Variants in RPS6KA2 observed in about 807,000 individuals in gnomAD.
RPS6KA2 encodes the protein ribosomal protein S6 kinase alpha-2.
Under a neutral mutation model 91.8 loss-of-function variants are expected in RPS6KA2, and 42 were observed. That is an observed-to-expected ratio of 0.46 (90% CI 0.36 to 0.59). The LOEUF is 0.59. Among genes scored for constraint, RPS6KA2 ranks in the 20% least tolerant of loss-of-function variants. The pLI, the probability that RPS6KA2 is intolerant of heterozygous loss-of-function variation, is 0.00. For synonymous variants in RPS6KA2, 414 were observed against 393.6 expected (o/e 1.05, Z -0.61); for missense variants, 798 against 978.5 (o/e 0.82, Z 2.46).
chr6:166,448,287 C>T lies in RPS6KA2; in HGVS notation c.1332+437G>A, dbSNP rs1779743337. 6.6e-6 allele frequency among the ~76,000 whole-genome samples: 1 copy of T among 152,138 alleles called. No individual in the cohort carries two copies. The highest frequency in any genetic ancestry group is 2.1e-4 in the South Asian group (1 of 4,814). On this transcript the variant is annotated intron_variant, in intron 14 of 20. Transcript: ENST00000265678. The surrounding 1 kb of genome is among the most constrained non-coding windows in gnomAD (Gnocchi z 4.7). ...CCTTGCCAAATTCTATACCTGTCCC[C>T]CAACTCTGTTTTCTCAAAATACTGG...
rs1176096846 is a variant in RPS6KA2 at position 166,418,776 on chromosome 6, CAG to C, written c.1821-436_1821-435del. On this transcript the variant is annotated intron_variant, in intron 18 of 20. Transcript: ENST00000265678. This position sits in a 1 kb window ranked among gnomAD's most constrained non-coding sequence, Gnocchi z 4.9. Reference sequence around the variant, plus strand: ...ACTTTTTGAGCCTCCACTGCAAATGCAGAGTGTATGCACAAATACACATACAT... The same window carrying C: ...ACTTTTTGAGCCTCCACTGCAAATGCAGTGTATGCACAAATACACATACAT... Among the ~76,000 whole-genome samples, 1 of 152,262 alleles carries C rather than the reference CAG, an allele frequency of 6.6e-6. No homozygotes were observed. The highest frequency in any genetic ancestry group is 1.5e-5 in the Non-Finnish European group (1 of 68,050).
chr6:166,702,386 G>C lies in RPS6KA2; in HGVS notation c.123+155814C>G. 8 of 1,607,946 alleles carry C rather than the reference G, an allele frequency of 5.0e-6. No individual in the cohort carries two copies. In the South Asian group the frequency reaches 8.8e-5, roughly 18 times the overall value. ...ATCAGGGATATAGGCTACTTTCAAG[G>C]TGAAATTCTCTAACTGAAATCCATT... is the stretch of plus-strand genomic sequence containing the variant. On this transcript the variant is annotated intron_variant, in intron 2 of 21. Coordinates refer to the RPS6KA2 transcript ENST00000503859.
At chr6:166,757,927 G>C (rs566109032) in intron 2 of RPS6KA2, 1 of 202,278 alleles carries the variant, frequency 4.9e-6, no homozygotes, top group Non-Finnish European at 1.0e-5. Context: ...ATGCTGCTCC[G>C]AATCCCAGCA....
chr6:166,742,053 G>C (rs1339216714), intron 2 of RPS6KA2, among the ~76,000 whole-genome samples: 1 of 152,184 alleles, frequency 6.6e-6, no homozygotes, highest in Non-Finnish European at 1.5e-5. Flanking sequence ...GCTTGAATTT[G>C]AGAGGCGGCT....
At position 166,495,422 on chromosome 6, in the gene RPS6KA2, G is replaced by A. The variant is rs183492452; in HGVS notation, c.747+3086C>T. On this transcript the variant is annotated intron_variant, in intron 8 of 20. Coordinates refer to ENST00000265678, the MANE Select transcript of RPS6KA2 (RefSeq NM_021135.6). This position sits in a 1 kb window ranked among gnomAD's most constrained non-coding sequence, Gnocchi z 4.4. ...AAATGTCCTGTGCCCAGGGAGGCAC[G>A]TGGGAGGAGAGTGCCTGCTGTGTTG... is the stretch of plus-strand genomic sequence containing the variant. 6.6e-6 allele frequency among the ~76,000 whole-genome samples: 1 copy of A among 152,218 alleles called. No individual in the cohort carries two copies. Among genetic ancestry groups the A allele is most frequent in the Non-Finnish European group, 1.5e-5 (1 of 68,030 alleles).
intron 2 of RPS6KA2, among the ~76,000 whole-genome samples, chr6:166,845,600 C>T (rs9356522): frequency 0.55 from 83,218 of 151,604 alleles, 24,837 homozygotes; most frequent in Middle Eastern, 0.72. Context: ...AAATAGCCTG[C>T]TCCTGAACGA....
At chr6:166,574,810 G>A (rs1246579295) in intron 1 of RPS6KA2, among the ~76,000 whole-genome samples, 1 of 152,078 alleles carries the variant, frequency 6.6e-6, no homozygotes, top group African/African-American at 2.4e-5. Flanking sequence ...AATTCATCAG[G>A]TAGCTTGAAA....
At chr6:166,815,931 G>T (rs1562454065) in intron 2 of RPS6KA2, among the ~76,000 whole-genome samples, 1 of 152,170 alleles carries the variant, frequency 6.6e-6, no homozygotes, top group Non-Finnish European at 1.5e-5. Flanking sequence ...CTCATAAAGA[G>T]TAGTAGCTGT....
intron 2 of RPS6KA2, among the ~76,000 whole-genome samples, chr6:166,843,100 C>A (rs949325001): frequency 6.6e-6 from 1 of 152,106 alleles, no homozygotes; most frequent in African/African-American, 2.4e-5. Flanking sequence ...CAGGGTGAGG[C>A]CTGTGACCGC....
At chr6:166,570,927 T>C (rs1052676655) in intron 1 of RPS6KA2, among the ~76,000 whole-genome samples, 6 of 152,226 alleles carry the variant, frequency 3.9e-5, no homozygotes, top group African/African-American at 7.2e-5. Flanking sequence ...AATCCAAATT[T>C]TAAGAGGCCT....
At chr6:166,534,213 C>T (rs71571446) in intron 2 of RPS6KA2, among the ~76,000 whole-genome samples, 2 of 108,042 alleles carry the variant, frequency 1.9e-5, no homozygotes, top group Admixed American at 1.3e-4. Flanking sequence ...AACAGCGAGA[C>T]TCTGTCTCAA....
intron 2 of RPS6KA2, among the ~76,000 whole-genome samples, chr6:166,731,102 C>T (rs1230952276): frequency 1.3e-5 from 2 of 152,060 alleles, no homozygotes; most frequent in Non-Finnish European, 2.9e-5. Context: ...ATTAGCCGGG[C>T]GTGCTGGCGC....
intron 12 of RPS6KA2, among the ~76,000 whole-genome samples, chr6:166,454,736 T>C (rs1415670782): frequency 2.0e-5 from 3 of 152,040 alleles, no homozygotes; most frequent in African/African-American, 7.2e-5. Flanking sequence ...GAGCCACAGT[T>C]GCATGGACTG....
chr6:166,780,497 G>A (rs1444548640), intron 2 of RPS6KA2, among the ~76,000 whole-genome samples: 7 of 152,254 alleles, frequency 4.6e-5, no homozygotes, highest in Admixed American at 6.5e-5. Flanking sequence ...ACTGTGAGAC[G>A]ACCAACCTCT....
chr6:166,425,911 G>A (rs1355598574), intron 16 of RPS6KA2, among the ~76,000 whole-genome samples: 2 of 151,934 alleles, frequency 1.3e-5, no homozygotes, highest in African/African-American at 2.4e-5. Flanking sequence ...AAAGTTAACA[G>A]GGATACCCAG....
chr6:166,507,638 A>G (rs1034117082), intron 5 of RPS6KA2, among the ~76,000 whole-genome samples: 19 of 150,640 alleles, frequency 1.3e-4, no homozygotes, highest in Non-Finnish European at 2.7e-4. Context: ...CACATAGCAC[A>G]CACCACGCAC....
At position 166,498,582 on chromosome 6, in the gene RPS6KA2, A is replaced by T; in HGVS notation, c.673T>A (p.Tyr225Asn). The stretch of plus-strand genomic sequence containing the variant: ...CGGTTCACCACCTCGGGCGCCATGT[A>T]CTCGATCGTCCCGCAGAAGGAGTAC... ...RAYSFCGTIE[Y>N]MAPEVVNRRG... Residue 225 changes from tyrosine (Y) to asparagine (N), a missense_variant, in exon 8 of 21, where the codon TAC becomes AAC. Physicochemically the swap from Tyr to Asn is moderately radical, Grantham distance 143. Coordinates refer to ENST00000265678, the MANE Select transcript of RPS6KA2 (RefSeq NM_021135.6). 1 of 1,613,770 alleles carries T rather than the reference A, an allele frequency of 6.2e-7. No individual in the cohort carries two copies. Among genetic ancestry groups the T allele is most frequent in the Non-Finnish European group, 8.5e-7 (1 of 1,179,936 alleles).
chr6:166,718,346 A>G lies in RPS6KA2; in HGVS notation c.123+139854T>C, dbSNP rs570450671. On this transcript the variant is annotated intron_variant, in intron 2 of 21. Transcript: ENST00000503859. ...TAGTCCCCACAGTGCCGATGTAGGA[A>G]ATAATGCTCAGCCTTATGTGAGGCT... 3.6e-4 allele frequency among the ~76,000 whole-genome samples: 54 copies of G among 151,806 alleles called. No homozygotes were observed. The South Asian group carries it at 9.6e-3, about 27-fold the overall frequency.
intron 2 of RPS6KA2, among the ~76,000 whole-genome samples, chr6:166,647,894 ACACATGCTCACACACATG>A (rs1211751475): frequency 1.4e-5 from 2 of 145,166 alleles, no homozygotes; most frequent in African/African-American, 2.6e-5. Flanking sequence ...ACATACATAC[ACACATGCTCACACACATG>A]CACATGCTCA....
Sources: allele counts gnomAD v4.1 joint callset (sites outside exome capture counted in the v4.1 genomes callset), GRCh38; gene constraint gnomAD v4.1.1; non-coding constraint Gnocchi (gnomAD v3.1); transcripts MANE v1.5; gene names NCBI Gene and HGNC (gene_info 2026-07-23, HGNC 2026-07-21).